The following TSC22D3 variants were observed in gnomAD, a reference collection of about 807,000 sequenced individuals.
TSC22D3 encodes TSC22 domain family member 3.
In TSC22D3, 4 loss-of-function variants were observed where a neutral mutation model predicts 11.1. The ratio of observed to expected loss-of-function variants is 0.36; its 90% CI spans 0.18 to 0.83. The LOEUF (loss-of-function observed/expected upper bound fraction) is 0.83. Ranked by LOEUF, TSC22D3 falls within the 40% of genes least tolerant of loss-of-function variation. The pLI, the probability that TSC22D3 is intolerant of heterozygous loss-of-function variation, is 0.48. For missense variants in TSC22D3, 118 were observed against 159.4 expected, an observed-to-expected ratio of 0.74 and a Z score of 1.40; for synonymous variants, 77 against 70.3, an observed-to-expected ratio of 1.10 and a Z score of -0.48.
At chrX:107,739,891 T>C (rs1407780325) in intron 1 of TSC22D3, among the ~76,000 whole-genome samples, 1 of 112,480 alleles carries the variant, frequency 8.9e-6, no homozygotes, top group Admixed American at 9.4e-5. Flanking sequence ...GTCAGTCCTA[T>C]CAGCCCAGTG....
intron 1 of TSC22D3, among the ~76,000 whole-genome samples, chrX:107,762,843 G>A (rs1055513738): frequency 3.1e-5 from 2 of 65,481 alleles, no homozygotes; most frequent in Non-Finnish European, 6.0e-5. Flanking sequence ...ACCTGCACAT[G>A]TACTTTTTTT....
At chrX:107,770,310 C>T (rs1267698299) in intron 1 of TSC22D3, among the ~76,000 whole-genome samples, 1 of 111,416 alleles carries the variant, frequency 9.0e-6, no homozygotes, top group African/African-American at 3.3e-5. Context: ...CAAATCATGC[C>T]GTGTGAGTGG....
At chrX:107,753,695 T>A (rs937106542) in intron 1 of TSC22D3, among the ~76,000 whole-genome samples, 1 of 111,593 alleles carries the variant, frequency 9.0e-6, no homozygotes, top group African/African-American at 3.3e-5. Context: ...CAGAAATGAC[T>A]TCAGTATGCT....
chrX:107,769,963 T>C (rs776311775), intron 1 of TSC22D3, among the ~76,000 whole-genome samples: 1 of 112,608 alleles, frequency 8.9e-6, no homozygotes, highest in South Asian at 3.7e-4. Context: ...AGAATGCCTA[T>C]TCTTTGTCAG....
At chrX:107,735,992 G>T (rs186169609) in intron 1 of TSC22D3, among the ~76,000 whole-genome samples, 256 of 111,978 alleles carry the variant, frequency 2.3e-3, no homozygotes, top group African/African-American at 7.9e-3. Flanking sequence ...CTTGCCCAAG[G>T]TCACACAGAC....
intron 1 of TSC22D3, among the ~76,000 whole-genome samples, chrX:107,772,179 C>T (rs779257281): frequency 9.0e-6 from 1 of 111,434 alleles, no homozygotes; most frequent in Non-Finnish European, 1.9e-5. Context: ...AAGAATGTGC[C>T]CTGCTCTTCT....
intron 1 of TSC22D3, chrX:107,717,001 TG>T: frequency 9.7e-7 from 1 of 1,036,073 alleles, no homozygotes; most frequent in Non-Finnish European, 1.2e-6. Flanking sequence ...TGAAGGGAAG[TG>T]ACTCGAGGGG....
At chrX:107,732,399 A>G (rs1418340628) in intron 1 of TSC22D3, among the ~76,000 whole-genome samples, 1 of 110,465 alleles carries the variant, frequency 9.1e-6, no homozygotes, top group African/African-American at 3.3e-5. Context: ...TCCTTATGCA[A>G]AAGGAAGGAG....
intron 1 of TSC22D3, among the ~76,000 whole-genome samples, chrX:107,734,492 G>A (rs1376814636): frequency 8.9e-6 from 1 of 111,937 alleles, no homozygotes; most frequent in Non-Finnish European, 1.9e-5. Flanking sequence ...GGGTGGCAAC[G>A]CATGGTCTCA....
At chrX:107,718,504 T>C (rs1927172229) in intron 1 of TSC22D3, among the ~76,000 whole-genome samples, 2 of 113,142 alleles carry the variant, frequency 1.8e-5, no homozygotes, top group South Asian at 7.1e-4. Context: ...AGGTAATTAT[T>C]GTTTGCTTCA....
At chrX:107,743,358 A>G (rs755906901) in intron 1 of TSC22D3, among the ~76,000 whole-genome samples, 48 of 112,348 alleles carry the variant, frequency 4.3e-4, no homozygotes, top group African/African-American at 1.3e-3. Context: ...GCGATCATCT[A>G]GTCTGACCCT....
At chrX:107,734,878 TAAAAAAAAAA>T (rs781386272) in intron 1 of TSC22D3, among the ~76,000 whole-genome samples, 14 of 37,282 alleles carry the variant, frequency 3.8e-4, no homozygotes, top group East Asian at 3.6e-3. Context: ...CAACTCTACG[TAAAAAAAAAA>T]AAAAAAAAAA....
At chrX:107,717,975 C>T (rs1193042938) in intron 1 of TSC22D3, among the ~76,000 whole-genome samples, 1 of 111,922 alleles carries the variant, frequency 8.9e-6, no homozygotes, top group Admixed American at 9.4e-5. Context: ...CAGCGAATGA[C>T]AATAACACTC....
chrX:107,714,059 AGAG>A lies in TSC22D3; in HGVS notation c.*457_*459del, dbSNP rs1441625384. The A allele has an allele frequency of 8.4e-6, 1 of 118,405 alleles. No individual in the cohort carries two copies. The highest frequency in any genetic ancestry group is 1.8e-5 in the Non-Finnish European group (1 of 56,803). 9.8% of individuals were successfully genotyped at this position (118,405 alleles called of 1,213,427 possible). On this transcript the variant is annotated 3_prime_UTR_variant, in exon 3 of 3. Transcript: ENST00000372383. Reference sequence around the variant, plus strand: ...TCTGTGTCCCCTGCCTTCACGAAACAGAGGAGAAGAGAGAGGTTGCCTCTGCTT... The same window carrying A: ...TCTGTGTCCCCTGCCTTCACGAAACAGAGAAGAGAGAGGTTGCCTCTGCTT...
chrX:107,716,790 T>C, intron 1 of TSC22D3: 1 of 1,208,398 alleles, frequency 8.3e-7, no homozygotes, highest in Non-Finnish European at 1.1e-6. Context: ...TCCATGGGGG[T>C]CTGATACATT....
intron 1 of TSC22D3, among the ~76,000 whole-genome samples, chrX:107,740,887 C>G: frequency 9.1e-6 from 1 of 110,158 alleles, no homozygotes; most frequent in East Asian, 2.9e-4. Flanking sequence ...AAGACCCAAG[C>G]TTTAAAGTGA....
intron 1 of TSC22D3, among the ~76,000 whole-genome samples, chrX:107,764,505 C>A (rs1210166177): frequency 4.5e-5 from 5 of 111,653 alleles, no homozygotes; most frequent in Admixed American, 9.5e-5. Context: ...CACCCTGGTT[C>A]TGTCTCCCTT....
chrX:107,736,469 C>T (rs967035151), intron 1 of TSC22D3, among the ~76,000 whole-genome samples: 2 of 111,724 alleles, frequency 1.8e-5, no homozygotes, highest in African/African-American at 6.5e-5. Context: ...ATATTCTTCT[C>T]CTCATTCCTA....
chrX:107,728,949 G>A (rs981486848), intron 1 of TSC22D3, among the ~76,000 whole-genome samples: 3 of 111,487 alleles, frequency 2.7e-5, no homozygotes, highest in Non-Finnish European at 3.8e-5. Flanking sequence ...TTATCTGGTG[G>A]CCTTGGGATT....
Sources: allele counts gnomAD v4.1 joint callset (sites outside exome capture counted in the v4.1 genomes callset), GRCh38; gene constraint gnomAD v4.1.1; transcripts MANE v1.5; gene names NCBI Gene and HGNC (gene_info 2026-07-23, HGNC 2026-07-21).